Variants in KRIT1 observed in about 807,000 individuals in gnomAD.
KRIT1 encodes the protein KRIT1 ankyrin repeat containing, also known as krev interaction trapped protein 1.
KRIT1 carries 45 observed loss-of-function variants against 95.8 expected under a neutral mutation model. The ratio of observed to expected loss-of-function variants is 0.47; its 90% CI spans 0.37 to 0.60. The LOEUF (loss-of-function observed/expected upper bound fraction) is 0.60. Ranked by LOEUF, KRIT1 falls within the 20% of genes least tolerant of loss-of-function variation. The pLI is 0.00. For missense variants in KRIT1, 788 were observed against 877.5 expected (o/e 0.90, Z 1.29); for synonymous variants, 282 against 278.8 (o/e 1.01, Z -0.11).
chr7:92,225,179 C>T (rs1795972404), intron 12 of KRIT1, among the ~76,000 whole-genome samples: 1 of 152,106 alleles, frequency 6.6e-6, no homozygotes, highest in Non-Finnish European at 1.5e-5. Context: ...GTAATCAACA[C>T]ATCAAGCATA....
In KRIT1 at chr7:92,216,154, G is replaced by A. The variant is rs577350632; in HGVS notation, c.1564-1377C>T. On this transcript the variant is annotated intron_variant, in intron 14 of 18. Coordinates refer to ENST00000394505, the MANE Select transcript of KRIT1 (RefSeq NM_194454.3). ...TGAGGCAGGAGAATGGTGTGAACCC[G>A]GGAGGCGGAGCTTGCAGTGAGCCGA... Among the ~76,000 whole-genome samples the A allele has an allele frequency of 9.3e-4, 141 of 151,320 alleles. 1 individual carries two copies. The highest frequency in any genetic ancestry group is 1.0e-3 in the African/African-American group (43 of 41,270).
chr7:92,200,869 A>G, intron 18 of KRIT1, 65 bp from the exon 19 acceptor site: 2 of 1,115,118 alleles, frequency 1.8e-6, no homozygotes, highest in Non-Finnish European at 2.7e-6. Flanking sequence ...GACATTCATG[A>G]CATTGGGCAG....
chr7:92,234,646 C>T (rs1474880517), intron 9 of KRIT1, 54 bp from the exon 10 acceptor site: 1 of 1,514,312 alleles, frequency 6.6e-7, no homozygotes, highest in Non-Finnish European at 9.2e-7. Context: ...AAAATTGTTT[C>T]AAAAGAAATG....
At chr7:92,214,994 C>T (rs924629371) in intron 14 of KRIT1, among the ~76,000 whole-genome samples, 3 of 152,110 alleles carry the variant, frequency 2.0e-5, no homozygotes, top group Non-Finnish European at 4.4e-5. Context: ...AACTCTGGCA[C>T]TGTAGCACAA....
chr7:92,241,437 A>G (rs1376690207), intron 4 of KRIT1, among the ~76,000 whole-genome samples: 2 of 152,208 alleles, frequency 1.3e-5, no homozygotes, highest in African/African-American at 4.8e-5. Context: ...ACCCTTTAAC[A>G]GGTTTCAGAC....
chr7:92,227,618 T>C (rs1387537068), intron 10 of KRIT1, among the ~76,000 whole-genome samples: 1 of 152,010 alleles, frequency 6.6e-6, no homozygotes, highest in Non-Finnish European at 1.5e-5. Context: ...CACTGTAATG[T>C]CTGCCTCCTG....
At chr7:92,240,531 C>A (rs1585018982) in intron 5 of KRIT1, among the ~76,000 whole-genome samples, 1 of 152,026 alleles carries the variant, frequency 6.6e-6, no homozygotes, top group Admixed American at 6.5e-5. Context: ...TTAAATGGGG[C>A]CTTAATCTTT....
chr7:92,229,423 C>T (rs747014679), intron 10 of KRIT1, among the ~76,000 whole-genome samples: 1 of 152,038 alleles, frequency 6.6e-6, no homozygotes, highest in Non-Finnish European at 1.5e-5. Context: ...ATATCCAGCA[C>T]CTATAAGAAA....
chr7:92,201,177 G>A, intron 18 of KRIT1, 130 bp downstream of exon 18: 1 of 662,066 alleles, frequency 1.5e-6, no homozygotes, highest in Non-Finnish European at 2.7e-6. Context: ...TTTATTCCTT[G>A]GTCTTAAATA....
At position 92,200,662 on chromosome 7, in the gene KRIT1, T is replaced by C; in HGVS notation, c.*74A>G. 1.9e-6 allele frequency: 2 copies of C among 1,027,556 alleles called. No individual in the cohort carries two copies. Among genetic ancestry groups the C allele is most frequent in the African/African-American group, 1.6e-5 (1 of 63,566 alleles). 63.7% of individuals were successfully genotyped at this position (1,027,556 alleles called of 1,614,324 possible). A position where few individuals can be genotyped will look rare whatever the true frequency, so the allele number is the denominator to read the frequency against. Reference sequence around the variant, plus strand: ...CCACCATGCTCGGCCAAAAGTAATATTTTAAGAAATCTTTCACGGAAAAAA... The same window carrying C: ...CCACCATGCTCGGCCAAAAGTAATACTTTAAGAAATCTTTCACGGAAAAAA... On this transcript the variant is annotated 3_prime_UTR_variant, in exon 19 of 19. Coordinates refer to ENST00000394505, the MANE Select transcript of KRIT1 (RefSeq NM_194454.3).
In KRIT1 at chr7:92,199,584, G is replaced by A. The variant is rs1474692226; in HGVS notation, c.*1152C>T. 1.3e-5 allele frequency: 2 copies of A among 152,054 alleles called. No individual in the cohort carries two copies. The highest frequency in any genetic ancestry group is 2.9e-5 in the Non-Finnish European group (2 of 68,012). 9.4% of individuals were successfully genotyped at this position (152,054 alleles called of 1,614,324 possible). A position where few individuals can be genotyped will look rare whatever the true frequency, so the allele number is the denominator to read the frequency against. On this transcript the variant is annotated 3_prime_UTR_variant, in exon 19 of 19. Transcript: ENST00000394505. ...AAAGTCAATATACATAAACTATTAA[G>A]TCAACTCATAAAAAATACAGCATGT...
chr7:92,246,050 A>G, upstream of KRIT1: 1 of 269,644 alleles, frequency 3.7e-6, no homozygotes, highest in South Asian at 3.0e-5. Flanking sequence ...GTGGCAGGCG[A>G]CTAGGAGACT....
Position 92,241,138 on chromosome 7 carries a change from T to C in KRIT1, c.117A>G (p.Glu39=). The C allele has an allele frequency of 6.2e-7, 1 of 1,609,178 alleles. No individual in the cohort carries two copies. Among genetic ancestry groups the C allele is most frequent in the African/African-American group, 1.3e-5 (1 of 74,964 alleles). ...TTTTTTTCTGTCCTTCAATGGGAAC[T>C]TCATGCAACAAAATCTTAGATGAGA... The part of the protein sequence containing the change: ...RAKSYEILLH[E]VPIEGQKKKR... Residue 39 remains glutamate, a synonymous_variant, in exon 5 of 19, where the codon GAA becomes GAG. Coordinates refer to ENST00000394505, the MANE Select transcript of KRIT1 (RefSeq NM_194454.3).
intron 12 of KRIT1, among the ~76,000 whole-genome samples, chr7:92,223,599 T>C (rs961194232): frequency 4.6e-5 from 7 of 152,210 alleles, no homozygotes; most frequent in African/African-American, 1.7e-4. Context: ...GCGCCTTTAA[T>C]GTAATGTAAA....
chr7:92,246,049 G>C (rs1266132372), upstream of KRIT1: 1 of 269,454 alleles, frequency 3.7e-6, no homozygotes, highest in Admixed American at 6.2e-5. Flanking sequence ...GGTGGCAGGC[G>C]ACTAGGAGAC....
At chr7:92,213,129 T>G (rs1477784045) in intron 17 of KRIT1, 66 bp downstream of exon 17, 5 of 1,069,268 alleles carry the variant, frequency 4.7e-6, no homozygotes, top group African/African-American at 4.7e-5. Context: ...AAATTCTTCA[T>G]GTAGGTTGGT....
intron 17 of KRIT1, among the ~76,000 whole-genome samples, chr7:92,208,363 AAAAG>A (rs759288646): frequency 7.9e-5 from 12 of 151,912 alleles, no homozygotes; most frequent in African/African-American, 2.4e-4. Context: ...GACCAGAACT[AAAAG>A]AAAGAAAGAC....
chr7:92,245,373 C>G (rs777356732), intron 1 of KRIT1: 2 of 151,810 alleles, frequency 1.3e-5, no homozygotes, highest in African/African-American at 2.4e-5. Context: ...GAGTTTCCAC[C>G]CAAAAAGTGG....
intron 13 of KRIT1, 70 bp from the exon 14 acceptor site, chr7:92,222,123 T>C: frequency 8.5e-7 from 1 of 1,176,686 alleles, no homozygotes. Context: ...AGAAACTTTG[T>C]ATTAAACTGT....
Sources: allele counts gnomAD v4.1 joint callset (sites outside exome capture counted in the v4.1 genomes callset), GRCh38; gene constraint gnomAD v4.1.1; transcripts MANE v1.5; gene names NCBI Gene and HGNC (gene_info 2026-07-23, HGNC 2026-07-21).